ADAMTS6: variants seen among roughly 807,000 people sequenced by gnomAD.
ADAMTS6 encodes A disintegrin and metalloproteinase with thrombospondin motifs 6.
A neutral mutation model predicts 144.3 loss-of-function variants in ADAMTS6; 23 were observed. The ratio of observed to expected loss-of-function variants is 0.16; its 90% CI spans 0.11 to 0.23. ADAMTS6 has a LOEUF of 0.23. Among genes scored for constraint, ADAMTS6 ranks in the 10% least tolerant of loss-of-function variants. The probability of loss-of-function intolerance (pLI) is 1.00; values close to 1 mark genes in which losing one functional copy is unlikely to be tolerated. For missense variants in ADAMTS6, 999 were observed against 1,379.6 expected, an observed-to-expected ratio of 0.72 and a Z score of 4.37; for synonymous variants, 444 against 457.5, an observed-to-expected ratio of 0.97 and a Z score of 0.38.
At chr5:65,266,250 A>T (rs1761620619) in intron 12 of ADAMTS6, among the ~76,000 whole-genome samples, 2 of 151,978 alleles carry the variant, frequency 1.3e-5, no homozygotes, top group South Asian at 2.1e-4. Flanking sequence ...TGATAAATAC[A>T]ATATTCACTT....
intron 24 of ADAMTS6, among the ~76,000 whole-genome samples, chr5:65,159,518 G>A (rs772168839): frequency 6.6e-6 from 1 of 152,126 alleles, no homozygotes; most frequent in Non-Finnish European, 1.5e-5. Flanking sequence ...CCTCTGTCAG[G>A]AATGCCCTGC....
At chr5:65,188,317 C>T (rs1754797889) in intron 21 of ADAMTS6, 97 bp from the exon 22 acceptor site, 15 of 1,142,542 alleles carry the variant, frequency 1.3e-5, no homozygotes, top group Middle Eastern at 2.8e-4. Context: ...GGACTACGAG[C>T]TGACATTTCA....
intron 20 of ADAMTS6, chr5:65,210,595 GT>G: frequency 7.9e-5 from 47 of 594,856 alleles, no homozygotes; most frequent in Non-Finnish European, 9.7e-5. Flanking sequence ...TGGCAATAAA[GT>G]TTTTGGCACC....
At chr5:65,280,308 T>C (rs1266968818) in intron 11 of ADAMTS6, among the ~76,000 whole-genome samples, 4 of 152,204 alleles carry the variant, frequency 2.6e-5, no homozygotes, top group African/African-American at 9.6e-5. Flanking sequence ...AATTAAGAAT[T>C]GGATCCAGAC....
rs575123763 is a variant in ADAMTS6, at chr5:65,385,536, G to A, written c.1074-51451C>T. Among the ~76,000 whole-genome samples the A allele has an allele frequency of 2.0e-5, 3 of 152,272 alleles. No individual in the cohort carries two copies. In the South Asian group the frequency reaches 6.2e-4, roughly 32 times the overall value. On this transcript the variant is annotated intron_variant, in intron 7 of 24. Transcript: ENST00000381055. ...TCAATTGCTATGTATAAAGGGCTTAGCAGAGGACCGATTCATAGTACCACT... is the reference window on the plus strand; with the variant it reads ...TCAATTGCTATGTATAAAGGGCTTAACAGAGGACCGATTCATAGTACCACT...
At chr5:65,386,007 A>G (rs1313678501) in intron 7 of ADAMTS6, among the ~76,000 whole-genome samples, 1 of 152,220 alleles carries the variant, frequency 6.6e-6, no homozygotes, top group African/African-American at 2.4e-5. Flanking sequence ...CACGGCAACT[A>G]AATTTTATCA....
At chr5:65,433,741 T>G (rs1757173332) in intron 7 of ADAMTS6, among the ~76,000 whole-genome samples, 1 of 152,138 alleles carries the variant, frequency 6.6e-6, no homozygotes, top group African/African-American at 2.4e-5. Flanking sequence ...TAACAAGACA[T>G]ACAATAAAAC....
At chr5:65,475,733 G>C (rs1319017923) in intron 1 of ADAMTS6, among the ~76,000 whole-genome samples, 1 of 152,104 alleles carries the variant, frequency 6.6e-6, no homozygotes, top group Non-Finnish European at 1.5e-5. Flanking sequence ...ATGGGAAATA[G>C]TAAACAATAT....
chr5:65,176,128 G>GC (rs1398855466), intron 22 of ADAMTS6, among the ~76,000 whole-genome samples: 1 of 151,910 alleles, frequency 6.6e-6, no homozygotes, highest in African/African-American at 2.4e-5. Context: ...GGAAAAAAAG[G>GC]GGGGGGCAGA....
At chr5:65,261,438 C>T (rs1761185038) in intron 13 of ADAMTS6, among the ~76,000 whole-genome samples, 1 of 149,600 alleles carries the variant, frequency 6.7e-6, no homozygotes, top group African/African-American at 2.4e-5. Context: ...CCTTAAGTAT[C>T]TGGGTATATT....
chr5:65,358,029 A>C (rs1749494363), intron 7 of ADAMTS6, among the ~76,000 whole-genome samples: 1 of 152,038 alleles, frequency 6.6e-6, no homozygotes, highest in African/African-American at 2.4e-5. Flanking sequence ...CCACAAGAGA[A>C]GAAAATTACA....
At chr5:65,268,920 TA>T (rs559856434) in intron 12 of ADAMTS6, among the ~76,000 whole-genome samples, 50 of 152,268 alleles carry the variant, frequency 3.3e-4, no homozygotes, top group African/African-American at 1.1e-3. Flanking sequence ...CCCTCCCTTT[TA>T]AAAAAAGATT....
At chr5:65,379,097 TCAAA>T (rs1751812589) in intron 7 of ADAMTS6, among the ~76,000 whole-genome samples, 3 of 152,336 alleles carry the variant, frequency 2.0e-5, no homozygotes, top group African/African-American at 7.2e-5. Context: ...AAGCCAGTCA[TCAAA>T]CAACCACTTT....
At chr5:65,316,502 T>A (rs1745013249) in intron 9 of ADAMTS6, among the ~76,000 whole-genome samples, 1 of 152,174 alleles carries the variant, frequency 6.6e-6, no homozygotes, top group Non-Finnish European at 1.5e-5. Context: ...AATTACATTG[T>A]ATATATAAGT....
At chr5:65,463,763 C>T (rs1402437712) in intron 3 of ADAMTS6, among the ~76,000 whole-genome samples, 1 of 152,182 alleles carries the variant, frequency 6.6e-6, no homozygotes, top group Non-Finnish European at 1.5e-5. Context: ...ACAAAATCTC[C>T]TCTACCACCA....
intron 7 of ADAMTS6, among the ~76,000 whole-genome samples, chr5:65,357,814 T>C (rs1442811035): frequency 6.6e-6 from 1 of 151,512 alleles, no homozygotes; most frequent in African/African-American, 2.4e-5. Context: ...AACAGACAAA[T>C]AATGTAAAAG....
rs186236970 is a variant in ADAMTS6, at chr5:65,470,763, A to T, written c.462+15T>A. 2 of 1,530,674 alleles carry T rather than the reference A, an allele frequency of 1.3e-6. No individual in the cohort carries two copies. The highest frequency in any genetic ancestry group is 1.7e-6 in the Non-Finnish European group (2 of 1,152,458). 94.8% of individuals were successfully genotyped at this position (1,530,674 alleles called of 1,614,324 possible). A position where few individuals can be genotyped will look rare whatever the true frequency, so the allele number is the denominator to read the frequency against. ...ATTTTCCCATCAGAAGTTTAAAATT[A>T]TAGCATCTACTTACCAACCCAACAC... On this transcript the variant is annotated intron_variant, in intron 3 of 24. Coordinates refer to ENST00000381055, the MANE Select transcript of ADAMTS6 (RefSeq NM_197941.4).
Position 65,226,127 on chromosome 5 carries a change from T to G in ADAMTS6, c.2026A>C (p.Asn676His). Residue 676 changes from asparagine to histidine, a missense_variant, in exon 16 of 25, where the codon AAT (asparagine) becomes CAT (histidine). Asn to His is a moderately conservative substitution (Grantham distance 68). This residue lies in a region of ADAMTS6 where 619 missense variants were observed against 837.0 expected (regional missense o/e 0.74). Coordinates refer to ENST00000381055, the MANE Select transcript of ADAMTS6 (RefSeq NM_197941.4). The part of the protein sequence containing the change: ...APAVIDGTQC[N>H]ADSLDICING... Reference sequence around the variant, plus strand: ...ATGCAGATATCCAGTGAATCCGCATTGCACTGGGTCCCATCGATCACCGCA... The same window carrying G: ...ATGCAGATATCCAGTGAATCCGCATGGCACTGGGTCCCATCGATCACCGCA... The G allele has an allele frequency of 6.2e-7, 1 of 1,613,424 alleles. No homozygotes were observed. Among genetic ancestry groups the G allele is most frequent in the Non-Finnish European group, 8.5e-7 (1 of 1,179,568 alleles).
intron 9 of ADAMTS6, among the ~76,000 whole-genome samples, chr5:65,319,733 G>T: frequency 1.9e-5 from 1 of 54,000 alleles, no homozygotes; most frequent in South Asian, 1.2e-3. Flanking sequence ...GGGAGGGAGG[G>T]AGGGAGGGAA....
Sources: gnomAD v4.1 joint callset for allele counts (sites outside exome capture counted in the v4.1 genomes callset) on GRCh38, gnomAD v4.1.1 for gene constraint, gnomAD v4.1.1 regional missense constraint, MANE v1.5 for transcripts, NCBI Gene and HGNC (gene_info 2026-07-23, HGNC 2026-07-21) for gene names.